The following AP3B2 variants were observed in gnomAD, a reference collection of about 807,000 sequenced individuals.
AP3B2 encodes the protein AP-3 complex subunit beta-2.
AP3B2 carries 50 observed loss-of-function variants against 126.9 expected under a neutral mutation model. That is an observed-to-expected ratio of 0.39 (90% confidence interval 0.31 to 0.50). The LOEUF (loss-of-function observed/expected upper bound fraction) is 0.50. Among genes scored for constraint, AP3B2 ranks in the 20% least tolerant of loss-of-function variants. The probability of loss-of-function intolerance (pLI) is 0.79; values close to 1 mark genes in which losing one functional copy is unlikely to be tolerated. For missense variants in AP3B2, 1,177 were observed against 1,426.4 expected (o/e 0.83, Z 2.82); for synonymous variants, 541 against 565.0 (o/e 0.96, Z 0.60).
chr15:82,709,192 G>C (rs2151465750), intron 1 of AP3B2, among the ~76,000 whole-genome samples: 1 of 152,130 alleles, frequency 6.6e-6, no homozygotes, highest in African/African-American at 2.4e-5. Context: ...TCCTGAAGAG[G>C]CCCCAGGCTC....
chr15:82,703,833 C>T (rs894093052), intron 1 of AP3B2, among the ~76,000 whole-genome samples: 1 of 152,060 alleles, frequency 6.6e-6, no homozygotes, highest in Non-Finnish European at 1.5e-5. Flanking sequence ...TTCAATCTTC[C>T]AATCTTCCTT....
intron 1 of AP3B2, among the ~76,000 whole-genome samples, chr15:82,700,397 C>CTTTTTTTTTTTTTTTTTT (rs1226910164): frequency 0.07 from 2,458 of 35,070 alleles, 1,027 homozygotes; most frequent in South Asian, 0.22. Flanking sequence ...TGGTGGGTGG[C>CTTTTTTTTTTTTTTTTTT]TTTTTTTTTT....
chr15:82,689,283 CACTA>C, intron 2 of AP3B2, 51 bp from the exon 3 acceptor site: 1 of 1,612,374 alleles, frequency 6.2e-7, no homozygotes. Flanking sequence ...AGAGGCACAG[CACTA>C]ACTAGAGGGA....
chr15:82,679,890 C>A, intron 9 of AP3B2, 90 bp from the exon 10 acceptor site: 1 of 1,243,486 alleles, frequency 8.0e-7, no homozygotes, highest in South Asian at 1.2e-5. Flanking sequence ...GACCCAGCGC[C>A]CAGGATCCTT....
Position 82,664,627 on chromosome 15 carries a change from C to A in AP3B2, c.2138-137G>T. The A allele has an allele frequency of 8.3e-7, 1 of 1,202,908 alleles. No homozygotes were observed. Among genetic ancestry groups the A allele is most frequent in the Non-Finnish European group, 1.2e-6 (1 of 859,950 alleles). 74.5% of individuals were successfully genotyped at this position (1,202,908 alleles called of 1,614,324 possible). On this transcript the variant is annotated intron_variant, in intron 18 of 26. Coordinates refer to ENST00000535359, the MANE Select transcript of AP3B2 (RefSeq NM_001278512.2). The surrounding 1 kb of genome is among the most constrained non-coding windows in gnomAD (Gnocchi z 4.5). Reference sequence around the variant, plus strand: ...ACCTGCCCCCAGCCCTACATGCCAGCTGGAACTGACAGAAACACAGATGGA... The same window carrying A: ...ACCTGCCCCCAGCCCTACATGCCAGATGGAACTGACAGAAACACAGATGGA...
intron 14 of AP3B2, among the ~76,000 whole-genome samples, chr15:82,675,158 C>A (rs908103425): frequency 7.2e-5 from 11 of 152,306 alleles, no homozygotes; most frequent in African/African-American, 2.2e-4. Flanking sequence ...TCTCTCTCCC[C>A]CTCTAACTTC....
At position 82,664,770 on chromosome 15, in the gene AP3B2, C is replaced by T. The variant is rs2048021923; in HGVS notation, c.2137+65G>A. Reference sequence around the variant, plus strand: ...CACACAACCATATACATATACCCCTCATATAGTCAGTCACACAGATGCATG... The same window carrying T: ...CACACAACCATATACATATACCCCTTATATAGTCAGTCACACAGATGCATG... On this transcript the variant is annotated intron_variant, in intron 18 of 26. Transcript: ENST00000535359. This position sits in a 1 kb window ranked among gnomAD's most constrained non-coding sequence, Gnocchi z 4.5. 4 of 1,273,174 alleles carry T rather than the reference C, an allele frequency of 3.1e-6. No individual in the cohort carries two copies. Among genetic ancestry groups the T allele is most frequent in the Non-Finnish European group, 4.4e-6 (4 of 900,190 alleles). The allele number at this position is 1,273,174 out of a possible 1,614,324, so 78.9% of individuals were successfully genotyped here.
In AP3B2 at chr15:82,688,977, G is replaced by A. The variant is rs1454763297; in HGVS notation, c.265-146C>T. 6.1e-6 allele frequency: 6 copies of A among 986,562 alleles called. No homozygotes were observed. In the East Asian group the frequency reaches 1.0e-4, roughly 17 times the overall value. The allele number at this position is 986,562 out of a possible 1,614,324, so 61.1% of individuals were successfully genotyped here. Reference sequence around the variant, plus strand: ...GGGGAGAGCACCCCTGAGTGTATCCGGGTCCTTTACCTTGATCCACATCCA... The same window carrying A: ...GGGGAGAGCACCCCTGAGTGTATCCAGGTCCTTTACCTTGATCCACATCCA... On this transcript the variant is annotated intron_variant, in intron 3 of 26. Transcript: ENST00000535359.
Position 82,703,813 on chromosome 15 carries a change from G to A in AP3B2, c.113+5781C>T, listed in dbSNP as rs761827355. Among the ~76,000 whole-genome samples the A allele has an allele frequency of 5.7e-4, 87 of 151,970 alleles. 1 individual carries two copies. The highest frequency in any genetic ancestry group is 7.6e-4 in the Non-Finnish European group (52 of 67,978). On this transcript the variant is annotated intron_variant, in intron 1 of 26. Coordinates refer to ENST00000535359, the MANE Select transcript of AP3B2 (RefSeq NM_001278512.2). ...CCCCTCAGTCCCAACCCCAAGCGTC[G>A]CTGCGTCTTTTCAATCTTCCAATCT...
chr15:82,666,698 A>G (rs1289236730), intron 15 of AP3B2, 49 bp downstream of exon 15: 1 of 1,582,732 alleles, frequency 6.3e-7, no homozygotes, highest in Admixed American at 1.7e-5. Context: ...GACTCTGGCC[A>G]GTTCCTTTCC....
intron 1 of AP3B2, chr15:82,708,652 C>T (rs1310566765): frequency 2.6e-5 from 4 of 152,294 alleles, no homozygotes; most frequent in Admixed American, 2.0e-4. Flanking sequence ...GATTATGTCG[C>T]CTGCTTAGAA....
In AP3B2 at chr15:82,664,573, A is replaced by T; in HGVS notation, c.2138-83T>A. On this transcript the variant is annotated intron_variant, in intron 18 of 26. Transcript: ENST00000535359. The surrounding 1 kb of genome is among the most constrained non-coding windows in gnomAD (Gnocchi z 4.5). ...GCAGACACCTGGGTTCCACCTTCAC[A>T]TTCAGTACTGAACCCTCAAACCTCT... is the stretch of plus-strand genomic sequence containing the variant. 5 of 1,527,516 alleles carry T rather than the reference A, an allele frequency of 3.3e-6. No homozygotes were observed. Among genetic ancestry groups the T allele is most frequent in the Non-Finnish European group, 4.4e-6 (5 of 1,132,482 alleles). 94.6% of individuals were successfully genotyped at this position (1,527,516 alleles called of 1,614,324 possible). A position where few individuals can be genotyped will look rare whatever the true frequency, so the allele number is the denominator to read the frequency against.
rs2048312663 is a variant in AP3B2 at position 82,680,254 on chromosome 15, C to T, written c.1056-25G>A. ...ACTGCGGAGAGGACGGGTCAGAGCA[C>T]CCCGGGCCCCTCGGTTGGGGCAAGG... On this transcript the variant is annotated intron_variant, in intron 8 of 26. Coordinates refer to ENST00000535359, the MANE Select transcript of AP3B2 (RefSeq NM_001278512.2). The surrounding 1 kb of genome is among the most constrained non-coding windows in gnomAD (Gnocchi z 6.1). The T allele has an allele frequency of 1.2e-6, 2 of 1,613,192 alleles. No homozygotes were observed. The highest frequency in any genetic ancestry group is 2.7e-5 in the African/African-American group (2 of 74,908).
At chr15:82,699,988 C>T (rs1439636304) in intron 1 of AP3B2, 3 of 397,826 alleles carry the variant, frequency 7.5e-6, no homozygotes, top group African/African-American at 2.1e-5. Context: ...GGGAGGGATG[C>T]TCCGGTTTCC....
At chr15:82,709,237 C>T (rs1233996346) in intron 1 of AP3B2, among the ~76,000 whole-genome samples, 1 of 152,142 alleles carries the variant, frequency 6.6e-6, no homozygotes, top group African/African-American at 2.4e-5. Flanking sequence ...CCCTCCCCCA[C>T]ATTTTTGGGA....
intron 14 of AP3B2, among the ~76,000 whole-genome samples, chr15:82,670,262 A>T (rs1442714241): frequency 1.3e-5 from 2 of 151,706 alleles, no homozygotes; most frequent in Non-Finnish European, 2.9e-5. Flanking sequence ...GGCACCCGCC[A>T]CCACGCTCAG....
intron 1 of AP3B2, among the ~76,000 whole-genome samples, chr15:82,690,487 A>G (rs1257016736): frequency 6.6e-6 from 1 of 151,662 alleles, no homozygotes; most frequent in Non-Finnish European, 1.5e-5. Flanking sequence ...CCCACCTATG[A>G]GTGAGAACCT....
intron 14 of AP3B2, among the ~76,000 whole-genome samples, chr15:82,667,585 C>T (rs2048081761): frequency 6.6e-6 from 1 of 152,198 alleles, no homozygotes; most frequent in African/African-American, 2.4e-5. Context: ...CCTAAAATAT[C>T]TCCATTTCTG....
At chr15:82,694,145 A>T (rs1207852953) in intron 1 of AP3B2, among the ~76,000 whole-genome samples, 1 of 152,016 alleles carries the variant, frequency 6.6e-6, no homozygotes, top group Admixed American at 6.6e-5. Context: ...CTGAGATTAC[A>T]GGTGTGCACC....
Sources: gnomAD v4.1 joint callset for allele counts (sites outside exome capture counted in the v4.1 genomes callset) on GRCh38, gnomAD v4.1.1 for gene constraint, Gnocchi (gnomAD v3.1) non-coding constraint, MANE v1.5 for transcripts, NCBI Gene and HGNC (gene_info 2026-07-23, HGNC 2026-07-21) for gene names.